Variants in SLC9A9 observed in about 807,000 individuals in gnomAD.
The protein encoded by SLC9A9 is sodium/hydrogen exchanger 9.
SLC9A9 carries 62 observed loss-of-function variants against 77.8 expected under a neutral mutation model. The observed-to-expected ratio is 0.80, with a 90% CI of 0.65 to 0.98. The LOEUF is 0.98. Ranked by LOEUF, SLC9A9 falls within the 50% of genes least tolerant of loss-of-function variation. The pLI is 0.00. For missense variants in SLC9A9, 775 were observed against 774.9 expected (o/e 1.00, Z 0.00); for synonymous variants, 320 against 283.5 (o/e 1.13, Z -1.29).
chr3:143,406,129 G>C (rs2033973757), intron 12 of SLC9A9, among the ~76,000 whole-genome samples: 1 of 152,016 alleles, frequency 6.6e-6, no homozygotes, highest in African/African-American at 2.4e-5. Context: ...TAACACTCAG[G>C]GTACTATAGG....
chr3:143,295,276 C>T (rs1403976426), intron 14 of SLC9A9, among the ~76,000 whole-genome samples: 1 of 152,314 alleles, frequency 6.6e-6, no homozygotes, highest in East Asian at 1.9e-4. Flanking sequence ...TCCCATTAAT[C>T]CTTACTACAC....
At chr3:143,448,938 TG>T (rs869158019) in intron 12 of SLC9A9, among the ~76,000 whole-genome samples, 8 of 21,406 alleles carry the variant, frequency 3.7e-4, no homozygotes, top group East Asian at 0.05. Flanking sequence ...ATATATAATA[TG>T]ATATATAATA....
At chr3:143,645,247 T>C (rs1402902138) in intron 6 of SLC9A9, among the ~76,000 whole-genome samples, 2 of 152,198 alleles carry the variant, frequency 1.3e-5, no homozygotes, top group African/African-American at 2.4e-5. Flanking sequence ...AATTTGCCTT[T>C]AAGGAACTCG....
intron 4 of SLC9A9, among the ~76,000 whole-genome samples, chr3:143,769,057 T>TG (rs2007425183): frequency 6.6e-6 from 1 of 152,128 alleles, no homozygotes; most frequent in African/African-American, 2.4e-5. Context: ...CTCACTTGTA[T>TG]GGGGAGAAGA....
intron 12 of SLC9A9, among the ~76,000 whole-genome samples, chr3:143,433,104 T>C (rs963602198): frequency 6.6e-6 from 1 of 152,242 alleles, no homozygotes; most frequent in Non-Finnish European, 1.5e-5. Flanking sequence ...GATATATCTT[T>C]TTGGCCAACC....
chr3:143,631,987 G>A (rs906412461), intron 6 of SLC9A9, among the ~76,000 whole-genome samples: 12 of 152,104 alleles, frequency 7.9e-5, no homozygotes, highest in African/African-American at 2.9e-4. Flanking sequence ...GGAAGAACTT[G>A]CCTCCTCAAC....
At chr3:143,823,650 ATAAAAAATAAAAAAAT>A (rs2009226826) in intron 2 of SLC9A9, among the ~76,000 whole-genome samples, 1 of 152,086 alleles carries the variant, frequency 6.6e-6, no homozygotes, top group African/African-American at 2.4e-5. Flanking sequence ...ACCCACAAAA[ATAAAAAATAAAAAAAT>A]TAAAAAATAA....
chr3:143,340,698 C>A (rs1010800423), intron 14 of SLC9A9, among the ~76,000 whole-genome samples: 1 of 152,158 alleles, frequency 6.6e-6, no homozygotes, highest in Admixed American at 6.6e-5. Context: ...TTTGCCCTTA[C>A]CATATTCATC....
At chr3:143,531,426 T>A (rs115121710) in intron 9 of SLC9A9, among the ~76,000 whole-genome samples, 2,710 of 152,300 alleles carry the variant, frequency 0.018, 37 homozygotes, top group South Asian at 0.057. Flanking sequence ...GAGATTCACA[T>A]GAGGGAGAGA....
At chr3:143,433,256 C>T (rs746828780) in intron 12 of SLC9A9, among the ~76,000 whole-genome samples, 5 of 152,076 alleles carry the variant, frequency 3.3e-5, no homozygotes, top group African/African-American at 4.8e-5. Flanking sequence ...GAAATCCTAT[C>T]GACTTTGAAG....
At chr3:143,564,571 A>T (rs1008288103) in intron 8 of SLC9A9, among the ~76,000 whole-genome samples, 5 of 152,182 alleles carry the variant, frequency 3.3e-5, no homozygotes, top group African/African-American at 1.2e-4. Context: ...AACCACTGAA[A>T]GTGAACCTGG....
chr3:143,498,638 C>T (rs1398469631), intron 9 of SLC9A9, among the ~76,000 whole-genome samples: 3 of 151,648 alleles, frequency 2.0e-5, no homozygotes, highest in Non-Finnish European at 4.4e-5. Flanking sequence ...AGTTTAATCA[C>T]CCAGGAAAGT....
intron 1 of SLC9A9, 140 bp downstream of exon 1, chr3:143,848,008 C>A (rs995667582): frequency 4.5e-6 from 4 of 892,592 alleles, no homozygotes; most frequent in South Asian, 1.5e-5. Flanking sequence ...GCATTCGTTA[C>A]GCTGCAGCAC....
In SLC9A9 at chr3:143,493,634, T is replaced by C. The variant is rs2108590787; in HGVS notation, c.1315+19A>G. The C allele has an allele frequency of 1.3e-6, 2 of 1,596,764 alleles. No individual in the cohort carries two copies. The highest frequency in any genetic ancestry group is 1.7e-6 in the Non-Finnish European group (2 of 1,164,222). ...TGTGAGAAAACCAGCAGCACTAACA[T>C]ATAACATAGTTCACATACCTGAAAA... On this transcript the variant is annotated intron_variant, in intron 11 of 15. Transcript: ENST00000316549.
intron 9 of SLC9A9, among the ~76,000 whole-genome samples, chr3:143,512,439 T>C (rs1016285459): frequency 1.3e-5 from 2 of 152,214 alleles, no homozygotes; most frequent in African/African-American, 4.8e-5. Context: ...CAGGAGATAT[T>C]GTGGGTTTGG....
intron 11 of SLC9A9, among the ~76,000 whole-genome samples, chr3:143,486,734 T>C (rs2108585423): frequency 1.3e-5 from 2 of 152,108 alleles, no homozygotes; most frequent in Admixed American, 1.3e-4. Context: ...AGCTTTAGGA[T>C]CTTAAGTGTA....
chr3:143,683,996 A>G lies in SLC9A9; in HGVS notation c.649+9196T>C, dbSNP rs116889382. Among the ~76,000 whole-genome samples the G allele has an allele frequency of 9.1e-4, 139 of 152,206 alleles. 1 individual carries two copies. The East Asian group carries it at 0.025, about 28-fold the overall frequency. ...AAAATAATGATGACAACATAACAAT[A>G]AAAATAAGACATATTATCTTATTTA... On this transcript the variant is annotated intron_variant, in intron 5 of 15. Coordinates refer to ENST00000316549, the MANE Select transcript of SLC9A9 (RefSeq NM_173653.4).
At chr3:143,687,531 A>G (rs1933309914) in intron 5 of SLC9A9, among the ~76,000 whole-genome samples, 1 of 152,116 alleles carries the variant, frequency 6.6e-6, no homozygotes, top group South Asian at 2.1e-4. Flanking sequence ...ACCTTATGAG[A>G]TATCTTTAGC....
At position 143,622,484 on chromosome 3, in the gene SLC9A9, T is replaced by A. The variant is rs185697082; in HGVS notation, c.755+29771A>T. ...TTCAACATTGTTAAGGAAAAGAATT[T>A]TCAACCCAGAATTTCATATCCAGCC... is the stretch of plus-strand genomic sequence containing the variant. On this transcript the variant is annotated intron_variant, in intron 6 of 15. Transcript: ENST00000316549. 1.3e-3 allele frequency among the ~76,000 whole-genome samples: 203 copies of A among 152,286 alleles called. 1 individual carries two copies. Among genetic ancestry groups the A allele is most frequent in the African/African-American group, 4.9e-3 (202 of 41,552 alleles).
Sources: gnomAD v4.1 joint callset for allele counts (sites outside exome capture counted in the v4.1 genomes callset) on GRCh38, gnomAD v4.1.1 for gene constraint, MANE v1.5 for transcripts, NCBI Gene and HGNC (gene_info 2026-07-23, HGNC 2026-07-21) for gene names.